ATP8A1: variants seen among roughly 807,000 people sequenced by gnomAD.
ATP8A1 encodes the protein phospholipid-transporting ATPase IA.
ATP8A1 carries 90 observed loss-of-function variants against 177.7 expected under a neutral mutation model. That is an observed-to-expected ratio of 0.51 (90% CI 0.43 to 0.60). ATP8A1 has a LOEUF of 0.60. ATP8A1 is among the 20% of genes least tolerant of loss of function. The pLI, the probability that ATP8A1 is intolerant of heterozygous loss-of-function variation, is 0.00. For synonymous variants in ATP8A1, 493 were observed against 485.9 expected (o/e 1.01, Z -0.19); for missense variants, 1,072 against 1,392.8 (o/e 0.77, Z 3.67).
intron 10 of ATP8A1, among the ~76,000 whole-genome samples, chr4:42,580,663 C>A (rs1367176664): frequency 6.6e-6 from 1 of 152,184 alleles, no homozygotes; most frequent in African/African-American, 2.4e-5. Flanking sequence ...TCACTAACAG[C>A]AATCTCGCTT....
At chr4:42,427,743 A>T (rs933908802) in intron 33 of ATP8A1, among the ~76,000 whole-genome samples, 9 of 152,254 alleles carry the variant, frequency 5.9e-5, no homozygotes, top group African/African-American at 2.2e-4. Flanking sequence ...GAGATTTAGT[A>T]AAGGTGAAAA....
At chr4:42,639,343 A>AT (rs145826740) in intron 1 of ATP8A1, among the ~76,000 whole-genome samples, 1 of 152,176 alleles carries the variant, frequency 6.6e-6, no homozygotes, top group Non-Finnish European at 1.5e-5. Flanking sequence ...AGACCACTCG[A>AT]TTTTTCCCCC....
Position 42,411,086 on chromosome 4 carries a change from G to C in ATP8A1, c.*1830C>G, listed in dbSNP as rs1712544644. On this transcript the variant is annotated 3_prime_UTR_variant, in exon 37 of 37. Transcript: ENST00000381668. ...CTTAGACTCTTACACCTGTGGTCTT[G>C]CTAGATGTGTTGATTCATGACTCTC... The C allele has an allele frequency of 6.6e-6, 1 of 152,260 alleles. No homozygotes were observed. The highest frequency in any genetic ancestry group is 1.9e-4 in the East Asian group (1 of 5,184). The allele number at this position is 152,260 out of a possible 1,614,324, so 9.4% of individuals were successfully genotyped here.
chr4:42,588,578 C>G (rs1733856254), intron 7 of ATP8A1: 2 of 358,462 alleles, frequency 5.6e-6, no homozygotes, highest in Non-Finnish European at 1.0e-5. Context: ...TAATGGTCTT[C>G]AAGATAATGC....
At chr4:42,437,711 G>A (rs1183142784) in intron 33 of ATP8A1, among the ~76,000 whole-genome samples, 2 of 152,040 alleles carry the variant, frequency 1.3e-5, no homozygotes, top group South Asian at 2.1e-4. Context: ...TAGAGATGTC[G>A]AATTACTGTA....
rs1577963474 is a variant in ATP8A1 at position 42,453,859 on chromosome 4, G to C, written c.2817+1438C>G. Among the ~76,000 whole-genome samples the C allele has an allele frequency of 3.9e-5, 6 of 152,218 alleles. No individual in the cohort carries two copies. In the South Asian group the frequency reaches 1.2e-3, roughly 32 times the overall value. The stretch of plus-strand genomic sequence containing the variant: ...CAGCTCTCAGATCACTTTTTCAGGG[G>C]AACCAGAGGCCATAGTCTGATTGTG... On this transcript the variant is annotated intron_variant, in intron 29 of 36. Transcript: ENST00000381668.
chr4:42,467,327 T>C (rs1333301426), intron 25 of ATP8A1, among the ~76,000 whole-genome samples: 4 of 152,140 alleles, frequency 2.6e-5, no homozygotes, highest in Admixed American at 6.5e-5. Flanking sequence ...GAAAATGATA[T>C]AGTGAGAGAC....
In ATP8A1 at chr4:42,464,883, G is replaced by T. The variant is rs758976020; in HGVS notation, c.2508+10C>A. On this transcript the variant is annotated intron_variant, in intron 26 of 36. Coordinates refer to ENST00000381668, the MANE Select transcript of ATP8A1 (RefSeq NM_006095.2). ...GAGGAATGATGTGTTTTGCAGAAATGACGCTTTACCTGAGCTATGGAGTAG... is the reference window on the plus strand; with the variant it reads ...GAGGAATGATGTGTTTTGCAGAAATTACGCTTTACCTGAGCTATGGAGTAG... The T allele has an allele frequency of 1.1e-5, 17 of 1,613,652 alleles. No homozygotes were observed. The South Asian group carries it at 1.9e-4, about 18-fold the overall frequency.
rs540644469 is a variant in ATP8A1, at chr4:42,594,826, C to T, written c.451-3942G>A. Among the ~76,000 whole-genome samples the T allele has an allele frequency of 5.6e-4, 85 of 152,160 alleles. No individual in the cohort carries two copies. The South Asian group carries it at 7.5e-3, about 13-fold the overall frequency. On this transcript the variant is annotated intron_variant, in intron 6 of 36. Coordinates refer to ENST00000381668, the MANE Select transcript of ATP8A1 (RefSeq NM_006095.2). ...AGTTTGAGATTCTGAGATTTTTGCT[C>T]AAGATCATGGGGAGTTGAAGAGCTT... is the stretch of plus-strand genomic sequence containing the variant.
chr4:42,581,568 C>A, intron 10 of ATP8A1, 53 bp downstream of exon 10: 2 of 1,287,778 alleles, frequency 1.6e-6, no homozygotes, highest in South Asian at 1.2e-5. Flanking sequence ...ATCTGTAAAT[C>A]ATACACTCAC....
intron 22 of ATP8A1, among the ~76,000 whole-genome samples, chr4:42,521,083 A>G (rs1485232957): frequency 6.6e-6 from 1 of 152,226 alleles, no homozygotes; most frequent in East Asian, 1.9e-4. Flanking sequence ...GACGAAGTAC[A>G]CAGTTCGATA....
chr4:42,637,344 C>T (rs1366473345), intron 1 of ATP8A1, among the ~76,000 whole-genome samples: 1 of 152,206 alleles, frequency 6.6e-6, no homozygotes, highest in Non-Finnish European at 1.5e-5. Context: ...GATTGCAACT[C>T]TAAGGAACTT....
chr4:42,479,080 C>T (rs186028137), intron 25 of ATP8A1, among the ~76,000 whole-genome samples: 3 of 152,220 alleles, frequency 2.0e-5, no homozygotes, highest in Non-Finnish European at 2.9e-5. Context: ...CTACCTCCTT[C>T]CATGTTCATT....
chr4:42,458,480 G>C (rs1718728361), intron 27 of ATP8A1, among the ~76,000 whole-genome samples: 1 of 152,160 alleles, frequency 6.6e-6, no homozygotes, highest in African/African-American at 2.4e-5. Context: ...GAAGGAGTCA[G>C]ACATATCAGA....
At chr4:42,633,725 G>A (rs770603284) in intron 1 of ATP8A1, among the ~76,000 whole-genome samples, 15 of 152,158 alleles carry the variant, frequency 9.9e-5, no homozygotes, top group Non-Finnish European at 1.9e-4. Flanking sequence ...ACAATGCCTG[G>A]CACGTAGTAA....
intron 25 of ATP8A1, chr4:42,471,664 G>A: frequency 4.0e-6 from 1 of 248,218 alleles, no homozygotes; most frequent in East Asian, 9.2e-5. Context: ...ACACAAGAAA[G>A]CTTAGTTTAT....
chr4:42,425,738 G>C (rs1249967272), intron 33 of ATP8A1, among the ~76,000 whole-genome samples: 3 of 152,182 alleles, frequency 2.0e-5, no homozygotes, highest in Non-Finnish European at 2.9e-5. Context: ...GCTCCGAACA[G>C]GAGCAGCCTG....
intron 25 of ATP8A1, chr4:42,472,394 G>C (rs1200856195): frequency 2.7e-5 from 8 of 298,654 alleles, no homozygotes; most frequent in Non-Finnish European, 4.5e-5. Context: ...AAAATGGCTA[G>C]TAAATTCACA....
At chr4:42,511,021 T>C (rs968620653) in intron 22 of ATP8A1, among the ~76,000 whole-genome samples, 1 of 152,160 alleles carries the variant, frequency 6.6e-6, no homozygotes, top group Non-Finnish European at 1.5e-5. Context: ...TTCAGCAAAA[T>C]TGTAATGGGT....
Sources: allele counts gnomAD v4.1 joint callset (sites outside exome capture counted in the v4.1 genomes callset), GRCh38; gene constraint gnomAD v4.1.1; transcripts MANE v1.5; gene names NCBI Gene and HGNC (gene_info 2026-07-23, HGNC 2026-07-21).